The following DUS4L variants were observed in gnomAD, a reference collection of about 807,000 sequenced individuals.
DUS4L encodes tRNA-dihydrouridine(20a/20b) synthase [NAD(P)+]-like.
A neutral mutation model predicts 33.8 loss-of-function variants in DUS4L; 31 were observed. That is an observed-to-expected ratio of 0.92 (90% CI 0.69 to 1.24). DUS4L has a LOEUF of 1.24. Ranked by LOEUF, DUS4L falls within the 50% of genes most tolerant of loss-of-function variation. The pLI is 0.00. For missense variants in DUS4L, 368 were observed against 388.6 expected (o/e 0.95, Z 0.45); for synonymous variants, 103 against 120.3 (o/e 0.86, Z 0.94).
chr7:107,565,344 T>C (rs1435756105), intron 2 of DUS4L, among the ~76,000 whole-genome samples: 1 of 152,252 alleles, frequency 6.6e-6, no homozygotes, highest in Admixed American at 6.5e-5. Flanking sequence ...GATTTACTTA[T>C]TCCAGTAATT....
intron 4 of DUS4L, 34 bp downstream of exon 4, chr7:107,571,300 C>T: frequency 1.3e-6 from 2 of 1,580,788 alleles, no homozygotes; most frequent in Middle Eastern, 3.4e-4. Flanking sequence ...CTTTGTAAAA[C>T]TTTTTAAATT....
intron 6 of DUS4L, among the ~76,000 whole-genome samples, chr7:107,575,919 C>T (rs986270471): frequency 4.7e-4 from 72 of 152,352 alleles, no homozygotes; most frequent in Non-Finnish European, 7.3e-4. Flanking sequence ...TCCTGAGCTC[C>T]TGGCCTCAAG....
chr7:107,572,913 ATATT>A (rs1321891329), intron 4 of DUS4L, among the ~76,000 whole-genome samples: 3 of 152,282 alleles, frequency 2.0e-5, no homozygotes, highest in East Asian at 1.9e-4. Context: ...ACTGAGGAGA[ATATT>A]TATAACACAT....
chr7:107,576,885 A>C (rs747732849), intron 7 of DUS4L: 1 of 318,726 alleles, frequency 3.1e-6, no homozygotes, highest in Non-Finnish European at 5.7e-6. Context: ...TAGAAATAAG[A>C]GTAAGTGAAC....
In DUS4L at chr7:107,575,881, C is replaced by T. The variant is rs557185709; in HGVS notation, c.480-485C>T. 11 of 160,554 alleles carry T rather than the reference C, an allele frequency of 6.9e-5. No individual in the cohort carries two copies. The South Asian group carries it at 1.6e-3, about 24-fold the overall frequency. The allele number at this position is 160,554 out of a possible 1,614,324, so 9.9% of individuals were successfully genotyped here. A position where few individuals can be genotyped will look rare whatever the true frequency, so the allele number is the denominator to read the frequency against. On this transcript the variant is annotated intron_variant, in intron 6 of 7. Coordinates refer to ENST00000265720, the MANE Select transcript of DUS4L (RefSeq NM_181581.3). ...TAATTTTTGTATTTTTTAGTAGAAA[C>T]GAGGTTTCGCCACGTTGGCCAGGCC...
intron 5 of DUS4L, 121 bp downstream of exon 5, chr7:107,573,942 G>A (rs1805498681): frequency 9.3e-6 from 12 of 1,285,278 alleles, no homozygotes; most frequent in Non-Finnish European, 1.2e-5. Context: ...CAGTCCCAGG[G>A]CTCAAAACAA....
chr7:107,567,937 C>T (rs887736003), intron 3 of DUS4L: 5 of 235,026 alleles, frequency 2.1e-5, no homozygotes, highest in South Asian at 2.1e-4. Flanking sequence ...TGCAGCATAA[C>T]ATCCTCAAGG....
intron 3 of DUS4L, chr7:107,567,862 C>G (rs1163971999): frequency 5.3e-6 from 2 of 380,062 alleles, no homozygotes; most frequent in African/African-American, 2.1e-5. Flanking sequence ...CTTCACTACT[C>G]TAGGTACCTC....
chr7:107,571,159 C>T lies in DUS4L; in HGVS notation c.131C>T (p.Thr44Ile), dbSNP rs749712932. ...TATGCTCACAGGTTGGCTTTTAGGA[C>T]ACTAGTAAGAAAATATAGTTGTGAT... Reference protein sequence around the residue: ...MVRYSKLAFRTLVRKYSCDLC... With the variant: ...MVRYSKLAFRILVRKYSCDLC... Residue 44 changes from threonine to isoleucine, a missense_variant, in exon 4 of 8, where the codon ACA becomes ATA. Transcript: ENST00000265720. 1.2e-6 allele frequency: 2 copies of T among 1,613,500 alleles called. No individual in the cohort carries two copies. Among genetic ancestry groups the T allele is most frequent in the Admixed American group, 3.3e-5 (2 of 59,940 alleles).
In DUS4L at chr7:107,564,163, C is replaced by T. The variant is rs1804311409; in HGVS notation, c.-157C>T. The T allele has an allele frequency of 7.5e-6, 5 of 669,738 alleles. No individual in the cohort carries two copies. Among genetic ancestry groups the T allele is most frequent in the Non-Finnish European group, 1.3e-5 (5 of 399,362 alleles). 41.5% of individuals were successfully genotyped at this position (669,738 alleles called of 1,614,324 possible). A position where few individuals can be genotyped will look rare whatever the true frequency, so the allele number is the denominator to read the frequency against. On this transcript the variant is annotated 5_prime_UTR_variant, in exon 1 of 8. Transcript: ENST00000265720. Reference sequence around the variant, plus strand: ...CTTTCAGCTGTCTCTCGCAGCAGCTCAGGGCCGCGCCCCCTGGGCTGGCGT... The same window carrying T: ...CTTTCAGCTGTCTCTCGCAGCAGCTTAGGGCCGCGCCCCCTGGGCTGGCGT...
chr7:107,574,233 C>T (rs937038130), intron 5 of DUS4L, among the ~76,000 whole-genome samples: 1 of 152,080 alleles, frequency 6.6e-6, no homozygotes, highest in Non-Finnish European at 1.5e-5. Flanking sequence ...CTAATTAATT[C>T]CCCTTATAAA....
At chr7:107,568,548 C>G (rs928367111) in intron 3 of DUS4L, among the ~76,000 whole-genome samples, 2 of 151,960 alleles carry the variant, frequency 1.3e-5, no homozygotes, top group Non-Finnish European at 2.9e-5. Flanking sequence ...TTCTTGTTTT[C>G]TATTATACTC....
intron 5 of DUS4L, chr7:107,574,916 A>G (rs1205944185): frequency 3.0e-5 from 12 of 405,336 alleles, no homozygotes; most frequent in Non-Finnish European, 4.4e-5. Context: ...AATTACTTCA[A>G]ATATTTAAAC....
At position 107,576,576 on chromosome 7, in the gene DUS4L, G is replaced by T; in HGVS notation, c.690G>T (p.Arg230=). Residue 230 remains arginine (R), a synonymous_variant, in exon 7 of 8, where the codon CGG becomes CGT. Transcript: ENST00000265720. ...TAAAGGAAGCAGAAAATGTGTGGCGGATTACTGGGACAGATGGTAAGAAAT... is the reference window on the plus strand; with the variant it reads ...TAAAGGAAGCAGAAAATGTGTGGCGTATTACTGGGACAGATGGTAAGAAAT... The part of the protein sequence containing the change: ...RSLKEAENVW[R]ITGTDGVMVA... The T allele has an allele frequency of 1.3e-6, 2 of 1,590,332 alleles. No homozygotes were observed. The highest frequency in any genetic ancestry group is 1.7e-6 in the Non-Finnish European group (2 of 1,170,334).
rs533668907 is a variant in DUS4L, at chr7:107,571,144, G to A, written c.117-1G>A. 3.7e-6 allele frequency: 6 copies of A among 1,613,538 alleles called. No homozygotes were observed. The East Asian group carries it at 1.3e-4, about 36-fold the overall frequency. On this transcript the variant is annotated splice_acceptor_variant, in intron 3 of 7. Coordinates refer to ENST00000265720, the MANE Select transcript of DUS4L (RefSeq NM_181581.3). LOFTEE classifies it high-confidence loss of function. ...ATAATTAAGGTTTTATATGCTCACA[G>A]GTTGGCTTTTAGGACACTAGTAAGA...
At chr7:107,566,704 A>C (rs1042420455) in intron 2 of DUS4L, among the ~76,000 whole-genome samples, 2 of 152,160 alleles carry the variant, frequency 1.3e-5, no homozygotes, top group Non-Finnish European at 2.9e-5. Flanking sequence ...AAATAATTCA[A>C]ACCAAATTTC....
In DUS4L at chr7:107,563,988, A is replaced by G. The variant is rs748922374; in HGVS notation, c.-332A>G. ...CCGGCGCCGCCCGCCCACCCAGCCC[A>G]TGGCTCCAGGCCCACCTGGCGAACT... On this transcript the variant is annotated 5_prime_UTR_variant, in exon 1 of 8. An upstream start codon of the reference 5' UTR is lost. Coordinates refer to ENST00000265720, the MANE Select transcript of DUS4L (RefSeq NM_181581.3). 37 of 679,146 alleles carry G rather than the reference A, an allele frequency of 5.4e-5. 1 individual carries two copies. Among genetic ancestry groups the G allele is most frequent in the South Asian group, 3.6e-4 (25 of 68,872 alleles). 42.1% of individuals were successfully genotyped at this position (679,146 alleles called of 1,614,324 possible). A position where few individuals can be genotyped will look rare whatever the true frequency, so the allele number is the denominator to read the frequency against.
chr7:107,564,902 C>G (rs1044553846), intron 2 of DUS4L, among the ~76,000 whole-genome samples: 2 of 152,138 alleles, frequency 1.3e-5, no homozygotes, highest in Non-Finnish European at 2.9e-5. Flanking sequence ...ACGTGGTTTT[C>G]TACATTCTGT....
intron 4 of DUS4L, among the ~76,000 whole-genome samples, chr7:107,571,644 A>C (rs951140958): frequency 3.3e-5 from 5 of 152,194 alleles, no homozygotes; most frequent in Non-Finnish European, 7.3e-5. Context: ...TATTATCTGG[A>C]AACTTGTTAG....
Sources: gnomAD v4.1 joint callset for allele counts (sites outside exome capture counted in the v4.1 genomes callset) on GRCh38, gnomAD v4.1.1 for gene constraint, MANE v1.5 for transcripts, NCBI Gene and HGNC (gene_info 2026-07-23, HGNC 2026-07-21) for gene names.